Variants in AGBL1 observed in about 807,000 individuals in gnomAD.
AGBL1 encodes cytosolic carboxypeptidase 4.
AGBL1 carries 130 observed loss-of-function variants against 118.9 expected under a neutral mutation model. The observed-to-expected ratio is 1.09, with a 90% CI of 0.95 to 1.26. AGBL1 has a LOEUF of 1.26. AGBL1 is among the 50% of genes most tolerant of loss of function. The probability of loss-of-function intolerance (pLI) is 0.00; values close to 1 mark genes in which losing one functional copy is unlikely to be tolerated. For missense variants in AGBL1, 1,584 were observed against 1,298.1 expected, an observed-to-expected ratio of 1.22 and a Z score of -3.38; for synonymous variants, 555 against 478.9, an observed-to-expected ratio of 1.16 and a Z score of -2.08.
chr15:86,751,997 A>G (rs890464620), intron 22 of AGBL1, among the ~76,000 whole-genome samples: 5 of 152,102 alleles, frequency 3.3e-5, no homozygotes, highest in African/African-American at 1.2e-4. Context: ...AATGATCTTT[A>G]GTAGGGAGCA....
At chr15:86,744,173 G>A (rs550444114) in intron 22 of AGBL1, among the ~76,000 whole-genome samples, 3 of 152,166 alleles carry the variant, frequency 2.0e-5, no homozygotes, top group East Asian at 3.9e-4. Context: ...ACGGTTTCCT[G>A]CCACCTTAGT....
rs548928096 is a variant in AGBL1, at chr15:86,481,013, T to C, written c.2556-41797T>C. Reference sequence around the variant, plus strand: ...CCTGCCATTTAAGGCTGGTGACTATTTTCAATGGGTAGGATTTATCAGTTA... The same window carrying C: ...CCTGCCATTTAAGGCTGGTGACTATCTTCAATGGGTAGGATTTATCAGTTA... On this transcript the variant is annotated intron_variant, in intron 18 of 22. Coordinates refer to ENST00000614907, the MANE Select transcript of AGBL1 (RefSeq NM_001386094.1). Among the ~76,000 whole-genome samples the C allele has an allele frequency of 6.6e-5, 10 of 152,102 alleles. 1 individual carries two copies. In the South Asian group the frequency reaches 1.7e-3, roughly 25 times the overall value.
At chr15:86,294,916 A>C (rs1434730188) in intron 16 of AGBL1, among the ~76,000 whole-genome samples, 2 of 152,016 alleles carry the variant, frequency 1.3e-5, no homozygotes, top group African/African-American at 2.4e-5. Flanking sequence ...CCATCCCCTG[A>C]CCCTTCCGAG....
At chr15:86,936,434 A>G (rs1368625) in intron 23 of AGBL1, among the ~76,000 whole-genome samples, 102,928 of 152,012 alleles carry the variant, frequency 0.68, 35,671 homozygotes, top group South Asian at 0.86. Context: ...TCCAGACTCA[A>G]CACCACCCCA....
Position 86,907,088 on chromosome 15 carries a change from T to TGCA in AGBL1, c.3171_3173dup (p.Ser1058dup), listed in dbSNP as rs1388263752. On this transcript the variant is annotated inframe_insertion and splice_region_variant, in exon 23 of 23. Coordinates refer to ENST00000614907, the MANE Select transcript of AGBL1 (RefSeq NM_001386094.1). ...ATATTTCCCGGGACCCAATGGCAGG[T>TGCA]GCAGCAGCAGCAGTGGCAGCGTCCC... is the stretch of plus-strand genomic sequence containing the variant. 2 of 152,262 alleles carry TGCA rather than the reference T, an allele frequency of 1.3e-5. No homozygotes were observed. The highest frequency in any genetic ancestry group is 2.9e-5 in the Non-Finnish European group (2 of 68,206). The allele number at this position is 152,262 out of a possible 1,614,324, so 9.4% of individuals were successfully genotyped here.
intron 3 of AGBL1, among the ~76,000 whole-genome samples, chr15:86,149,854 T>G (rs1183581260): frequency 6.6e-6 from 1 of 152,124 alleles, no homozygotes; most frequent in Non-Finnish European, 1.5e-5. Flanking sequence ...ACATTTATTC[T>G]AAAATAGACC....
chr15:86,129,549 G>A (rs901257614), intron 1 of AGBL1, among the ~76,000 whole-genome samples: 9 of 152,124 alleles, frequency 5.9e-5, no homozygotes, highest in Admixed American at 1.3e-4. Flanking sequence ...AGTAATTAAT[G>A]CATTTGTGTG....
chr15:86,681,869 G>A (rs2085964152), intron 22 of AGBL1, among the ~76,000 whole-genome samples: 1 of 152,134 alleles, frequency 6.6e-6, no homozygotes, highest in Non-Finnish European at 1.5e-5. Context: ...AATGAAGATG[G>A]AAAGTGCCCT....
intron 23 of AGBL1, among the ~76,000 whole-genome samples, chr15:86,982,286 C>T (rs1162102439): frequency 6.6e-6 from 1 of 152,122 alleles, no homozygotes; most frequent in Non-Finnish European, 1.5e-5. Context: ...CATATATTTT[C>T]ACCCATAATT....
chr15:86,639,271 A>T (rs1042644792), intron 21 of AGBL1, among the ~76,000 whole-genome samples: 2 of 152,196 alleles, frequency 1.3e-5, no homozygotes, highest in Non-Finnish European at 2.9e-5. Flanking sequence ...TCTGCCTACC[A>T]CAATGACCTT....
rs1380039610 is a variant in AGBL1, at chr15:86,674,764, T to C, written c.3158+328T>C. Reference sequence around the variant, plus strand: ...AGTTATGTGTTTATATGTATACAGATAACATTTTTGAGCCATTACTCAACA... The same window carrying C: ...AGTTATGTGTTTATATGTATACAGACAACATTTTTGAGCCATTACTCAACA... On this transcript the variant is annotated intron_variant, in intron 22 of 22. Transcript: ENST00000614907. 2.0e-5 allele frequency among the ~76,000 whole-genome samples: 3 copies of C among 152,184 alleles called. No homozygotes were observed. In the East Asian group the frequency reaches 5.8e-4, roughly 29 times the overall value.
intron 23 of AGBL1, among the ~76,000 whole-genome samples, chr15:86,957,738 G>A (rs562715099): frequency 6.6e-6 from 1 of 152,136 alleles, no homozygotes; most frequent in Admixed American, 6.6e-5. Context: ...CTTAATAAAT[G>A]AGAAGAATCA....
At chr15:86,747,769 G>C (rs1339812805) in intron 22 of AGBL1, among the ~76,000 whole-genome samples, 1 of 152,050 alleles carries the variant, frequency 6.6e-6, no homozygotes, top group African/African-American at 2.4e-5. Flanking sequence ...GAGAATGATG[G>C]TTTCCAGCTT....
chr15:86,307,166 C>T (rs540755601), intron 17 of AGBL1, among the ~76,000 whole-genome samples: 93 of 152,178 alleles, frequency 6.1e-4, no homozygotes, highest in African/African-American at 2.1e-3. Context: ...TTTTTGGGGG[C>T]GTGACTCAGG....
At chr15:86,157,984 A>C (rs1031414101) in intron 4 of AGBL1, among the ~76,000 whole-genome samples, 4 of 152,212 alleles carry the variant, frequency 2.6e-5, no homozygotes, top group Admixed American at 2.6e-4. Context: ...ACTCAATACC[A>C]GAATTTTTTT....
rs1279494558 is a variant in AGBL1, at chr15:86,911,875, C to G, written c.*4581C>G. On this transcript the variant is annotated 3_prime_UTR_variant, in exon 23 of 23. Coordinates refer to ENST00000614907, the MANE Select transcript of AGBL1 (RefSeq NM_001386094.1). ...GCACTGTTTATATATCTCTTTTATA[C>G]TATGCTTATTTTTAACTTGATAAAT... 1 of 152,066 alleles carries G rather than the reference C, an allele frequency of 6.6e-6. No individual in the cohort carries two copies. Among genetic ancestry groups the G allele is most frequent in the East Asian group, 1.9e-4 (1 of 5,180 alleles). The allele number at this position is 152,066 out of a possible 1,614,324, so 9.4% of individuals were successfully genotyped here. A position where few individuals can be genotyped will look rare whatever the true frequency, so the allele number is the denominator to read the frequency against.
intron 21 of AGBL1, among the ~76,000 whole-genome samples, chr15:86,585,428 T>C (rs919700156): frequency 2.6e-5 from 4 of 152,178 alleles, no homozygotes; most frequent in Non-Finnish European, 5.9e-5. Context: ...GGTCTCACTG[T>C]CTCTGCCCAG....
At chr15:86,721,349 G>A (rs901602717) in intron 22 of AGBL1, among the ~76,000 whole-genome samples, 6 of 152,146 alleles carry the variant, frequency 3.9e-5, no homozygotes, top group African/African-American at 9.7e-5. Flanking sequence ...TTCAACATAT[G>A]CAAATCAATA....
At chr15:86,447,691 G>T (rs771149987) in intron 18 of AGBL1, among the ~76,000 whole-genome samples, 7 of 152,148 alleles carry the variant, frequency 4.6e-5, no homozygotes, top group Non-Finnish European at 1.0e-4. Context: ...CCAGACACTA[G>T]ATTCTAATAA....
Sources: allele counts gnomAD v4.1 joint callset (sites outside exome capture counted in the v4.1 genomes callset), GRCh38; gene constraint gnomAD v4.1.1; transcripts MANE v1.5; gene names NCBI Gene and HGNC (gene_info 2026-07-23, HGNC 2026-07-21).